ITGA3: variants seen among roughly 807,000 people sequenced by gnomAD.
ITGA3 encodes integrin subunit alpha 3.
A neutral mutation model predicts 131.1 loss-of-function variants in ITGA3; 70 were observed. That is an observed-to-expected ratio of 0.53 (90% CI 0.44 to 0.65). ITGA3 has a LOEUF of 0.65. Ranked by LOEUF, ITGA3 falls within the 30% of genes least tolerant of loss-of-function variation. The pLI is 0.00. For missense variants in ITGA3, 1,098 were observed against 1,388.6 expected (o/e 0.79, Z 3.33); for synonymous variants, 537 against 571.6 (o/e 0.94, Z 0.86).
chr17:50,068,859 T>TTTATTTATTTAG (rs759635173), intron 4 of ITGA3, among the ~76,000 whole-genome samples: 1 of 144,246 alleles, frequency 6.9e-6, no homozygotes, highest in African/African-American at 2.5e-5. Flanking sequence ...TATTTATTTA[T>TTTATTTATTTAG]TTTTTTGAGA....
intron 7 of ITGA3, among the ~76,000 whole-genome samples, chr17:50,072,782 G>A (rs1249580011): frequency 4.6e-5 from 7 of 152,208 alleles, no homozygotes; most frequent in East Asian, 1.9e-4. Context: ...TCTCAGGTGG[G>A]AGATGATAAG....
intron 3 of ITGA3, among the ~76,000 whole-genome samples, chr17:50,066,204 G>C (rs770269514): frequency 1.9e-4 from 29 of 152,150 alleles, no homozygotes; most frequent in Non-Finnish European, 3.5e-4. Context: ...GTGTTGCCCA[G>C]GCTGGTCTCA....
intron 5 of ITGA3, among the ~76,000 whole-genome samples, 179 bp from the exon 6 acceptor site, chr17:50,071,132 T>C (rs560251647): frequency 8.5e-5 from 13 of 152,346 alleles, no homozygotes; most frequent in African/African-American, 3.1e-4. Context: ...CACAGTCCAG[T>C]GTCCAGGCAG....
chr17:50,058,003 G>A (rs1907910934), intron 1 of ITGA3, among the ~76,000 whole-genome samples: 1 of 151,270 alleles, frequency 6.6e-6, no homozygotes, highest in Admixed American at 6.7e-5. Flanking sequence ...GCCACCATGA[G>A]CACAAGTTTC....
At chr17:50,066,288 C>T (rs1431891853) in intron 3 of ITGA3, among the ~76,000 whole-genome samples, 2 of 151,220 alleles carry the variant, frequency 1.3e-5, no homozygotes, top group Non-Finnish European at 2.9e-5. Context: ...GCGTGAGCCA[C>T]CGTATGTGGC....
At position 50,087,581 on chromosome 17, in the gene ITGA3, GGACCTGCT is replaced by G. The variant is rs142537957; in HGVS notation, c.2920-161_2920-154del. On this transcript the variant is annotated intron_variant, in intron 23 of 25. Transcript: ENST00000320031. ...CCTGGGAGAAGCAGGAAGGACCACT[GGACCTGCT>G]GTCAGTGGGGCAGGCACAGGCTTTT... 2,295 of 704,696 alleles carry G rather than the reference GGACCTGCT, an allele frequency of 3.3e-3. 50 individuals carry two copies. In the African/African-American group the frequency reaches 0.036, roughly 11 times the overall value. 43.7% of individuals were successfully genotyped at this position (704,696 alleles called of 1,614,324 possible).
intron 6 of ITGA3, 76 bp from the exon 7 acceptor site, chr17:50,071,910 C>A: frequency 7.4e-7 from 1 of 1,347,924 alleles, no homozygotes; most frequent in South Asian, 1.4e-5. Context: ...CTGGCACAGT[C>A]ACACCTGTCA....
Position 50,078,192 on chromosome 17 carries a change from G to A in ITGA3, c.2220-15G>A. 1 of 1,613,750 alleles carries A rather than the reference G, an allele frequency of 6.2e-7. No homozygotes were observed. Among genetic ancestry groups the A allele is most frequent in the Non-Finnish European group, 8.5e-7 (1 of 1,179,788 alleles). ...ATCTTGGATCACCTTCCTAACCCCT[G>A]CATTTCCTCCCAAGGTCGAGTCACC... On this transcript the variant is annotated splice_polypyrimidine_tract_variant and intron_variant, in intron 17 of 25. Transcript: ENST00000320031.
Position 50,064,228 on chromosome 17 carries a change from G to A in ITGA3, c.334+24G>A, listed in dbSNP as rs368312143. The A allele has an allele frequency of 5.6e-6, 9 of 1,594,722 alleles. No homozygotes were observed. The African/African-American group carries it at 1.2e-4, about 21-fold the overall frequency. On this transcript the variant is annotated intron_variant, in intron 2 of 25. Coordinates refer to ENST00000320031, the MANE Select transcript of ITGA3 (RefSeq NM_002204.4). The surrounding 1 kb of genome is among the most constrained non-coding windows in gnomAD (Gnocchi z 4.4). ...AAGTGAGGGGAAGGGGCTGGGGAGG[G>A]GTGCTGGGTCAGAGGTCTGGCAGGG...
intron 12 of ITGA3, 115 bp from the exon 13 acceptor site, chr17:50,076,211 A>C: frequency 1.8e-6 from 2 of 1,125,332 alleles, no homozygotes; most frequent in Non-Finnish European, 1.2e-6. Context: ...CCTAACTGTC[A>C]GGTTTTCAGG....
rs751727597 is a variant in ITGA3 at position 50,080,278 on chromosome 17, G to A, written c.2723G>A (p.Arg908His). Residue 908 changes from arginine (R) to histidine (H), a missense_variant, in exon 22 of 26, where the codon CGT becomes CAT. Physicochemically the swap from Arg to His is conservative, Grantham distance 29. Around this residue, in one of 3 missense-constraint regions of ITGA3, gnomAD observed 699 missense variants for 829.2 expected, o/e 0.84. Transcript: ENST00000320031. Reference sequence around the variant, plus strand: ...CCGCCTCAGACCTGTGCCACAGGGCGTGCCCACTGTGTGTGGCTAGAGTGC... The same window carrying A: ...CCGCCTCAGACCTGTGCCACAGGGCATGCCCACTGTGTGTGGCTAGAGTGC... ...SETVLTCATG[R>H]AHCVWLECPI... 1.5e-5 allele frequency: 24 copies of A among 1,611,122 alleles called. No individual in the cohort carries two copies. Among genetic ancestry groups the A allele is most frequent in the Non-Finnish European group, 2.0e-5 (24 of 1,177,972 alleles).
At chr17:50,076,279 G>A in intron 12 of ITGA3, 47 bp from the exon 13 acceptor site, 1 of 1,586,382 alleles carries the variant, frequency 6.3e-7, no homozygotes, top group Non-Finnish European at 8.6e-7. Flanking sequence ...ATTCAGCTGG[G>A]GCAGGGAGCA....
chr17:50,074,170 G>A lies in ITGA3; in HGVS notation c.1272G>A (p.Leu424=). The change falls in exon 9 of 26, where the codon CTG becomes CTA. Residue 424 remains leucine, a synonymous_variant. Coordinates refer to ENST00000320031, the MANE Select transcript of ITGA3 (RefSeq NM_002204.4). ...QQVIHGEKLG[L]PGLATFGYSL... is the part of the protein sequence containing the mutation. ...TAATCCATGGAGAGAAGCTGGGACT[G>A]CCTGGGTTGGCCACCTTCGGCTATT... is the stretch of plus-strand genomic sequence containing the variant. 2.5e-6 allele frequency: 4 copies of A among 1,614,138 alleles called. No homozygotes were observed. The highest frequency in any genetic ancestry group is 3.4e-6 in the Non-Finnish European group (4 of 1,179,976).
Position 50,056,581 on chromosome 17 carries a change from C to A in ITGA3, c.142C>A (p.Pro48Thr). The change falls in exon 1 of 26, where the codon CCG becomes ACG. Residue 48 changes from proline (P) to threonine (T), a missense_variant. Coordinates refer to ENST00000320031, the MANE Select transcript of ITGA3 (RefSeq NM_002204.4). This position sits in a 1 kb window ranked among gnomAD's most constrained non-coding sequence, Gnocchi z 5.6. Reference protein sequence around the residue: ...RFLVVKEAGNPGSLFGYSVAL... With the variant: ...RFLVVKEAGNTGSLFGYSVAL... ...CCTGGTAGTGAAGGAGGCCGGGAACCCGGGCAGCCTCTTCGGCTACTCGGT... is the reference window on the plus strand; with the variant it reads ...CCTGGTAGTGAAGGAGGCCGGGAACACGGGCAGCCTCTTCGGCTACTCGGT... 6.3e-7 allele frequency: 1 copy of A among 1,590,100 alleles called. No homozygotes were observed. Among genetic ancestry groups the A allele is most frequent in the Non-Finnish European group, 8.6e-7 (1 of 1,169,320 alleles).
chr17:50,059,121 G>A (rs556864652), intron 1 of ITGA3, among the ~76,000 whole-genome samples: 5 of 152,304 alleles, frequency 3.3e-5, no homozygotes, highest in Admixed American at 3.3e-4. Flanking sequence ...CAACATAGGG[G>A]GCTAGCCCCA....
intron 23 of ITGA3, 45 bp from the exon 24 acceptor site, chr17:50,087,699 C>CTAAGCAGGCTGACACAGGGCTGAGTCCT: frequency 6.3e-7 from 1 of 1,586,806 alleles, no homozygotes; most frequent in Non-Finnish European, 8.6e-7. Context: ...GAGGATGGGC[C>CTAAGCAGGCTGACACAGGGCTGAGTCCT]TAAGCAGGCT....
In ITGA3 at chr17:50,073,937, T is replaced by C; in HGVS notation, c.1178T>C (p.Phe393Ser). 6.2e-7 allele frequency: 1 copy of C among 1,614,130 alleles called. No individual in the cohort carries two copies. Among genetic ancestry groups the C allele is most frequent in the South Asian group, 1.1e-5 (1 of 91,084 alleles). ...GFQDIAVGAP[F>S]EGLGKVYIYH... ...GCAGATATTGCTGTGGGAGCTCCGTTTGAAGGCTTGGGCAAAGTGTACATC... is the reference window on the plus strand; with the variant it reads ...GCAGATATTGCTGTGGGAGCTCCGTCTGAAGGCTTGGGCAAAGTGTACATC... Residue 393 changes from phenylalanine (F) to serine (S), a missense_variant, in exon 8 of 26, where the codon TTT becomes TCT. By Grantham distance (155) the Phe-to-Ser change is radical. This residue lies in a region of ITGA3 where 356 missense variants were observed against 529.2 expected (regional missense o/e 0.67). Transcript: ENST00000320031.
rs1483803535 is a variant in ITGA3 at position 50,089,060 on chromosome 17, G to A, written c.*32-50G>A. 2.0e-6 allele frequency: 3 copies of A among 1,512,928 alleles called. No homozygotes were observed. The East Asian group carries it at 6.8e-5, about 34-fold the overall frequency. 93.7% of individuals were successfully genotyped at this position (1,512,928 alleles called of 1,614,324 possible). A position where few individuals can be genotyped will look rare whatever the true frequency, so the allele number is the denominator to read the frequency against. Reference sequence around the variant, plus strand: ...GAGAGGCCTGGCACTCCTTCCTGGTGGCTCAAACTCTGGATGCTAATGTTC... The same window carrying A: ...GAGAGGCCTGGCACTCCTTCCTGGTAGCTCAAACTCTGGATGCTAATGTTC... On this transcript the variant is annotated intron_variant, in intron 25 of 25. Coordinates refer to ENST00000320031, the MANE Select transcript of ITGA3 (RefSeq NM_002204.4).
At chr17:50,061,806 G>T (rs899076888) in intron 1 of ITGA3, among the ~76,000 whole-genome samples, 2 of 152,162 alleles carry the variant, frequency 1.3e-5, no homozygotes, top group Non-Finnish European at 2.9e-5. Context: ...TTGGGAGGCC[G>T]AGGCGGGTGG....
Sources: allele counts gnomAD v4.1 joint callset (sites outside exome capture counted in the v4.1 genomes callset), GRCh38; gene constraint gnomAD v4.1.1; regional missense constraint gnomAD v4.1.1; non-coding constraint Gnocchi (gnomAD v3.1); transcripts MANE v1.5; gene names NCBI Gene and HGNC (gene_info 2026-07-23, HGNC 2026-07-21).